EML2: variants seen among roughly 807,000 people sequenced by gnomAD.
EML2 encodes the protein echinoderm microtubule-associated protein-like 2.
EML2 carries 59 observed loss-of-function variants against 84.7 expected under a neutral mutation model. The observed-to-expected ratio is 0.70, with a 90% CI of 0.56 to 0.86. The LOEUF is 0.86. EML2 is among the 40% of genes least tolerant of loss of function. The pLI, the probability that EML2 is intolerant of heterozygous loss-of-function variation, is 0.00. For synonymous variants in EML2, 352 were observed against 348.9 expected, an observed-to-expected ratio of 1.01 and a Z score of -0.10; for missense variants, 818 against 855.6, an observed-to-expected ratio of 0.96 and a Z score of 0.55.
chr19:45,639,797 C>T (rs1974242059), upstream of EML2, among the ~76,000 whole-genome samples: 1 of 152,052 alleles, frequency 6.6e-6, no homozygotes, highest in African/African-American at 2.4e-5. Flanking sequence ...AGTTCAAGAC[C>T]AGCCTGGCCA....
At position 45,626,681 on chromosome 19, in the gene EML2, G is replaced by C. The variant is rs755611143; in HGVS notation, c.741+24C>G. 3.8e-6 allele frequency: 6 copies of C among 1,596,000 alleles called. No homozygotes were observed. In the South Asian group the frequency reaches 6.7e-5, roughly 18 times the overall value. ...TAACTACCTCTCTCAGGGCCAGCCTGTCCCCCAAACCCCTGGCACTCACCT... is the reference window on the plus strand; with the variant it reads ...TAACTACCTCTCTCAGGGCCAGCCTCTCCCCCAAACCCCTGGCACTCACCT... On this transcript the variant is annotated intron_variant, in intron 8 of 18. Coordinates refer to ENST00000245925, the MANE Select transcript of EML2 (RefSeq NM_012155.4).
At chr19:45,645,362 GC>G (rs997582141), upstream of EML2, 32 of 1,526,548 alleles carry the variant, frequency 2.1e-5, no homozygotes, top group Middle Eastern at 3.9e-4. Flanking sequence ...GCCACCGCCG[GC>G]CCCCCCGGTC....
chr19:45,616,485 C>T lies in EML2; in HGVS notation c.1485G>A (p.Lys495=). ...CCGAGCACTTGCCCAGGCGGCTGAC[C>T]TTGCGGCCGCCCTGGTCCACCGTGT... ...YVYTVDQGGR[K]VSRLGKCSGH... The change falls in exon 15 of 19, where the codon AAG becomes AAA. Residue 495 remains lysine, a synonymous_variant. Coordinates refer to ENST00000245925, the MANE Select transcript of EML2 (RefSeq NM_012155.4). The T allele has an allele frequency of 6.3e-7, 1 of 1,593,874 alleles. No homozygotes were observed. The highest frequency in any genetic ancestry group is 1.3e-5 in the African/African-American group (1 of 74,638).
chr19:45,639,503 G>T, upstream of EML2: 1 of 952,404 alleles, frequency 1.0e-6, no homozygotes. Flanking sequence ...TGGAGCCGGA[G>T]GGTCCCACCG....
intron 1 of EML2, 54 bp from the exon 2 acceptor site, chr19:45,638,927 G>C (rs868166930): frequency 1.2e-6 from 2 of 1,605,862 alleles, no homozygotes; most frequent in South Asian, 1.1e-5. Flanking sequence ...GTTCAGAAAA[G>C]GGGAGAAACC....
upstream of EML2, chr19:45,642,226 C>G: frequency 6.5e-7 from 1 of 1,535,522 alleles, no homozygotes; most frequent in African/African-American, 1.4e-5. Flanking sequence ...TGCCCGCAGG[C>G]GACGCAGAGC....
At chr19:45,614,140 C>G (rs1054021769) in intron 17 of EML2, among the ~76,000 whole-genome samples, 1 of 152,182 alleles carries the variant, frequency 6.6e-6, no homozygotes, top group African/African-American at 2.4e-5. Flanking sequence ...GGAAGCCCTC[C>G]CTGATTCCCT....
chr19:45,609,540 C>G lies in EML2; in HGVS notation c.*123G>C. 3 of 1,018,026 alleles carry G rather than the reference C, an allele frequency of 2.9e-6. No homozygotes were observed. Among genetic ancestry groups the G allele is most frequent in the African/African-American group, 1.7e-5 (1 of 59,724 alleles). 63.1% of individuals were successfully genotyped at this position (1,018,026 alleles called of 1,614,324 possible). A position where few individuals can be genotyped will look rare whatever the true frequency, so the allele number is the denominator to read the frequency against. On this transcript the variant is annotated 3_prime_UTR_variant, in exon 19 of 19. Transcript: ENST00000245925. Reference sequence around the variant, plus strand: ...ATAGAGACTTCTGTATGTCAGTCTACCCTCCCGCCCCCATAACCCCCTCTG... The same window carrying G: ...ATAGAGACTTCTGTATGTCAGTCTAGCCTCCCGCCCCCATAACCCCCTCTG...
chr19:45,640,098 T>C (rs1011467871), upstream of EML2: 3 of 152,232 alleles, frequency 2.0e-5, no homozygotes, highest in Admixed American at 1.3e-4. Flanking sequence ...AACGCTGTAT[T>C]TGTGTTTGCT....
At chr19:45,641,925 C>T, upstream of EML2, 1 of 1,441,272 alleles carries the variant, frequency 6.9e-7, no homozygotes, top group Non-Finnish European at 9.1e-7. Flanking sequence ...TACCTGCGCC[C>T]GGAGGTCGCC....
intron 18 of EML2, 97 bp from the exon 19 acceptor site, chr19:45,609,885 CTCTT>C: frequency 1.4e-6 from 2 of 1,383,256 alleles, no homozygotes; most frequent in East Asian, 2.6e-5. Flanking sequence ...TCTGCTCTTC[CTCTT>C]TTTTTTTTTT....
intron 18 of EML2, among the ~76,000 whole-genome samples, chr19:45,612,673 T>C (rs1041880654): frequency 1.3e-5 from 2 of 151,872 alleles, no homozygotes; most frequent in African/African-American, 4.8e-5. Flanking sequence ...AGTGAGACCC[T>C]GTCTCAAAAA....
chr19:45,610,864 C>A (rs909173063), intron 18 of EML2, among the ~76,000 whole-genome samples: 2 of 152,078 alleles, frequency 1.3e-5, no homozygotes, highest in Non-Finnish European at 2.9e-5. Context: ...ACAAAAAACC[C>A]AGCAGGGCAA....
At chr19:45,617,476 T>C (rs1971226365) in intron 13 of EML2, among the ~76,000 whole-genome samples, 154 bp downstream of exon 13, 2 of 152,164 alleles carry the variant, frequency 1.3e-5, no homozygotes, top group Non-Finnish European at 2.9e-5. Context: ...GCAAATCGCT[T>C]GAACCTGGGA....
rs1973275383 is a variant in EML2, at chr19:45,633,122, T to G, written c.347A>C (p.Asp116Ala). The G allele has an allele frequency of 6.2e-7, 1 of 1,605,188 alleles. No homozygotes were observed. The highest frequency in any genetic ancestry group is 1.3e-5 in the African/African-American group (1 of 74,844). The change falls in exon 5 of 19, where the codon GAT becomes GCT. Residue 116 changes from aspartate (D) to alanine (A), a missense_variant. Coordinates refer to ENST00000245925, the MANE Select transcript of EML2 (RefSeq NM_012155.4). ...DDIKCLAIHP[D>A]MVTIATGQVA... ...CTGTCCCGTGGCGATGGTGACCATATCTGGGTGGATGGCCAAGCTGCGGAA... is the reference window on the plus strand; with the variant it reads ...CTGTCCCGTGGCGATGGTGACCATAGCTGGGTGGATGGCCAAGCTGCGGAA...
intron 2 of EML2, 64 bp downstream of exon 2, chr19:45,638,781 T>C: frequency 1.9e-6 from 3 of 1,605,958 alleles, no homozygotes; most frequent in Non-Finnish European, 2.5e-6. Flanking sequence ...TCCTGACCTC[T>C]GGCTCCAGCC....
intron 10 of EML2, 25 bp downstream of exon 10, chr19:45,621,458 A>G: frequency 6.2e-7 from 1 of 1,602,950 alleles, no homozygotes; most frequent in East Asian, 2.2e-5. Context: ...CTCTACCCCC[A>G]TCTGAGCCCA....
Position 45,617,696 on chromosome 19 carries a change from T to G in EML2, c.1256A>C (p.Asp419Ala), listed in dbSNP as rs746454211. Residue 419 changes from aspartate to alanine, a missense_variant and splice_region_variant, in exon 13 of 19, where the codon GAC becomes GCC. Physicochemically the swap from Asp to Ala is moderately radical, Grantham distance 126. Transcript: ENST00000245925. ...GTGGAAGCCGGCTGAGCGGGCAGGGTCCTGAGAAGGGAGAGAGAAGAGGCA... is the reference window on the plus strand; with the variant it reads ...GTGGAAGCCGGCTGAGCGGGCAGGGGCCTGAGAAGGGAGAGAGAAGAGGCA... ...HQPLWSRIIE[D>A]PARSAGFHPS... 1.2e-6 allele frequency: 2 copies of G among 1,613,246 alleles called. No individual in the cohort carries two copies. Among genetic ancestry groups the G allele is most frequent in the Non-Finnish European group, 8.5e-7 (1 of 1,179,714 alleles).
chr19:45,641,292 CTG>C, upstream of EML2: 1 of 236,066 alleles, frequency 4.2e-6, no homozygotes, highest in Non-Finnish European at 8.6e-6. Context: ...TGTAGAAACT[CTG>C]TGGCTGCTGC....
Sources: gnomAD v4.1 joint callset for allele counts (sites outside exome capture counted in the v4.1 genomes callset) on GRCh38, gnomAD v4.1.1 for gene constraint, MANE v1.5 for transcripts, NCBI Gene and HGNC (gene_info 2026-07-23, HGNC 2026-07-21) for gene names.